Variants in SORCS1 observed in about 807,000 individuals in gnomAD.
SORCS1 encodes the protein VPS10 domain-containing receptor SorCS1.
Under a neutral mutation model 146.1 loss-of-function variants are expected in SORCS1, and 60 were observed. The ratio of observed to expected loss-of-function variants is 0.41; its 90% CI spans 0.33 to 0.51. SORCS1 has a LOEUF of 0.51. SORCS1 is among the 20% of genes least tolerant of loss of function. The pLI, the probability that SORCS1 is intolerant of heterozygous loss-of-function variation, is 0.21. For missense variants in SORCS1, 1,352 were observed against 1,487.6 expected (o/e 0.91, Z 1.50); for synonymous variants, 637 against 584.0 (o/e 1.09, Z -1.31).
intron 1 of SORCS1, among the ~76,000 whole-genome samples, chr10:107,003,120 T>C (rs1033536612): frequency 6.6e-6 from 1 of 152,020 alleles, no homozygotes; most frequent in Non-Finnish European, 1.5e-5. Context: ...CCAGGCATGG[T>C]GGTGGGTGCC....
chr10:107,120,952 G>A (rs897474728), intron 1 of SORCS1, among the ~76,000 whole-genome samples: 1 of 152,172 alleles, frequency 6.6e-6, no homozygotes, highest in African/African-American at 2.4e-5. Context: ...GAATAGGATG[G>A]CTTTGCTTAG....
intron 23 of SORCS1, among the ~76,000 whole-genome samples, chr10:106,601,143 C>T (rs187486351): frequency 4.0e-4 from 61 of 152,276 alleles, no homozygotes; most frequent in African/African-American, 1.4e-3. Flanking sequence ...GAAAGTATGG[C>T]AACAGCCTAA....
intron 1 of SORCS1, among the ~76,000 whole-genome samples, chr10:107,143,085 T>C (rs1967980372): frequency 6.6e-6 from 1 of 152,302 alleles, no homozygotes; most frequent in South Asian, 2.1e-4. Context: ...TAGTGTTATC[T>C]TGAGAAAGTA....
intron 1 of SORCS1, among the ~76,000 whole-genome samples, chr10:107,134,865 T>G (rs1042502357): frequency 6.6e-6 from 1 of 152,156 alleles, no homozygotes; most frequent in Non-Finnish European, 1.5e-5. Flanking sequence ...GGGCCCTTAG[T>G]TGAGTGGCCA....
intron 14 of SORCS1, among the ~76,000 whole-genome samples, chr10:106,674,634 A>T (rs1184318157): frequency 1.3e-5 from 2 of 152,090 alleles, no homozygotes; most frequent in Non-Finnish European, 2.9e-5. Flanking sequence ...TGTTCTCATG[A>T]TTTTCCTAAT....
chr10:107,158,544 A>G (rs938795674), intron 1 of SORCS1, among the ~76,000 whole-genome samples: 1 of 152,214 alleles, frequency 6.6e-6, no homozygotes, highest in Non-Finnish European at 1.5e-5. Flanking sequence ...GAAGATGCCC[A>G]ACTCTCCCCT....
intron 24 of SORCS1, among the ~76,000 whole-genome samples, chr10:106,584,552 TC>T (rs113216048): frequency 0.013 from 1,909 of 152,352 alleles, 49 homozygotes; most frequent in African/African-American, 0.044. Flanking sequence ...ACTAGAATTA[TC>T]CAAAGAAGGC....
At chr10:106,833,991 C>T (rs1948678767) in intron 2 of SORCS1, among the ~76,000 whole-genome samples, 2 of 152,110 alleles carry the variant, frequency 1.3e-5, no homozygotes, top group Non-Finnish European at 2.9e-5. Flanking sequence ...GATGGGGTTT[C>T]ACCGTGTTAG....
intron 24 of SORCS1, among the ~76,000 whole-genome samples, chr10:106,585,544 G>T (rs1414851572): frequency 2.0e-5 from 3 of 152,112 alleles, no homozygotes; most frequent in Non-Finnish European, 2.9e-5. Flanking sequence ...CCCTAAGTGA[G>T]CAGTCAGCCT....
chr10:107,072,421 G>A (rs1049197630), intron 1 of SORCS1, among the ~76,000 whole-genome samples: 5 of 152,022 alleles, frequency 3.3e-5, no homozygotes, highest in African/African-American at 9.7e-5. Flanking sequence ...GCCTTGGAAC[G>A]GCTAATAACC....
At chr10:107,177,859 A>G in the SORCS1 span, among the ~76,000 whole-genome samples, 1 of 152,136 alleles carries the variant, frequency 6.6e-6, no homozygotes, top group African/African-American at 2.4e-5. Flanking sequence ...AGGGACATGG[A>G]TGGAGCTGAA....
At chr10:106,765,230 C>CA (rs1859474249) in intron 4 of SORCS1, among the ~76,000 whole-genome samples, 1 of 152,066 alleles carries the variant, frequency 6.6e-6, no homozygotes, top group Non-Finnish European at 1.5e-5. Context: ...TTAGTAAATA[C>CA]AACTTAATGA....
chr10:106,982,033 G>T (rs534071942), intron 1 of SORCS1, among the ~76,000 whole-genome samples: 1 of 152,124 alleles, frequency 6.6e-6, no homozygotes. Context: ...CCAAGAATCA[G>T]GCATCCATAC....
chr10:107,133,544 TAC>T (rs1490169695), intron 1 of SORCS1, among the ~76,000 whole-genome samples: 1 of 152,136 alleles, frequency 6.6e-6, no homozygotes, highest in Non-Finnish European at 1.5e-5. Flanking sequence ...GCTGAAGCAG[TAC>T]ATTTGGGGGT....
chr10:106,660,706 C>T (rs1280230426), intron 17 of SORCS1, among the ~76,000 whole-genome samples: 5 of 150,988 alleles, frequency 3.3e-5, no homozygotes, highest in African/African-American at 7.3e-5. Context: ...GCTGAGATCA[C>T]GCCACTGCAC....
intron 2 of SORCS1, among the ~76,000 whole-genome samples, chr10:106,915,851 G>T (rs1211979380): frequency 6.6e-6 from 1 of 152,188 alleles, no homozygotes; most frequent in Non-Finnish European, 1.5e-5. Context: ...AGTAGGAAGA[G>T]CGAGCCATAA....
At chr10:106,997,186 TCC>T (rs1274991977) in intron 1 of SORCS1, among the ~76,000 whole-genome samples, 1 of 152,118 alleles carries the variant, frequency 6.6e-6, no homozygotes, top group Non-Finnish European at 1.5e-5. Context: ...GCAAGAACCA[TCC>T]ATTACTTACC....
chr10:106,861,105 A>G (rs1466202180), intron 2 of SORCS1, among the ~76,000 whole-genome samples: 2 of 152,186 alleles, frequency 1.3e-5, no homozygotes, highest in African/African-American at 4.8e-5. Flanking sequence ...ACTTAAGAAT[A>G]TGCAAAAATA....
intron 1 of SORCS1, among the ~76,000 whole-genome samples, chr10:107,052,772 T>C (rs925935396): frequency 2.6e-5 from 4 of 152,144 alleles, no homozygotes; most frequent in African/African-American, 9.6e-5. Flanking sequence ...AATGGGAATT[T>C]TTTTTCATTG....
Sources: allele counts gnomAD v4.1 joint callset (sites outside exome capture counted in the v4.1 genomes callset), GRCh38; gene constraint gnomAD v4.1.1; transcripts MANE v1.5; gene names NCBI Gene and HGNC (gene_info 2026-07-23, HGNC 2026-07-21).